Variants in LMX1B observed in about 807,000 individuals in gnomAD.
LMX1B encodes LIM homeobox transcription factor 1 beta, also known as LIM homeobox transcription factor 1-beta.
A neutral mutation model predicts 51.4 loss-of-function variants in LMX1B; 12 were observed. The observed-to-expected ratio is 0.23, with a 90% CI of 0.15 to 0.38. LMX1B has a LOEUF of 0.38. Among genes scored for constraint, LMX1B ranks in the 10% least tolerant of loss-of-function variants. The pLI is 1.00. For synonymous variants in LMX1B, 237 were observed against 235.4 expected, an observed-to-expected ratio of 1.01 and a Z score of -0.06; for missense variants, 445 against 571.1, an observed-to-expected ratio of 0.78 and a Z score of 2.25.
rs1390203407 is a variant in LMX1B at position 126,615,333 on chromosome 9, G to GGCTGGGCCGGGCGGC, written c.140-45_140-31dup. 4.2e-6 allele frequency: 6 copies of GGCTGGGCCGGGCGGC among 1,434,934 alleles called. No homozygotes were observed. In the African/African-American group the frequency reaches 8.8e-5, roughly 21 times the overall value. The allele number at this position is 1,434,934 out of a possible 1,614,324, so 88.9% of individuals were successfully genotyped here. On this transcript the variant is annotated intron_variant, in intron 1 of 7. Coordinates refer to ENST00000373474, the MANE Select transcript of LMX1B (RefSeq NM_001174147.2). The surrounding 1 kb of genome is among the most constrained non-coding windows in gnomAD (Gnocchi z 6.0). The stretch of plus-strand genomic sequence containing the variant: ...GGGCCCGGTGCGACCGGGACGCCGG[G>GGCTGGGCCGGGCGGC]GCTGGGCCGGGCGGCGCTGACGGCC...
At chr9:126,639,466 G>A (rs923152591) in intron 2 of LMX1B, among the ~76,000 whole-genome samples, 2 of 152,238 alleles carry the variant, frequency 1.3e-5, no homozygotes, top group Non-Finnish European at 1.5e-5. Flanking sequence ...CACTGGGCTC[G>A]GGCTGGAGGC....
chr9:126,634,301 G>A (rs780600192), intron 2 of LMX1B, among the ~76,000 whole-genome samples: 1 of 152,182 alleles, frequency 6.6e-6, no homozygotes, highest in Admixed American at 6.5e-5. Context: ...CAGCAGTGAC[G>A]GGGTCGCCAT....
chr9:126,670,774 C>T (rs950007679), intron 2 of LMX1B, among the ~76,000 whole-genome samples: 19 of 152,218 alleles, frequency 1.2e-4, no homozygotes, highest in African/African-American at 4.3e-4. Context: ...AAACCACAGA[C>T]AGCAGGTCCT....
chr9:126,655,812 G>A (rs1836105352), intron 2 of LMX1B, among the ~76,000 whole-genome samples: 1 of 152,238 alleles, frequency 6.6e-6, no homozygotes, highest in African/African-American at 2.4e-5. Context: ...TCACAAAGTT[G>A]GGTGCTGCTG....
intron 2 of LMX1B, among the ~76,000 whole-genome samples, chr9:126,676,408 G>A (rs534746585): frequency 3.2e-4 from 49 of 152,254 alleles, no homozygotes; most frequent in Admixed American, 9.8e-4. Context: ...ACCCAGCACC[G>A]CACCTGGCAC....
At chr9:126,663,201 C>T (rs777212920) in intron 2 of LMX1B, among the ~76,000 whole-genome samples, 5 of 102,182 alleles carry the variant, frequency 4.9e-5, no homozygotes, top group Non-Finnish European at 1.1e-4. Context: ...TTGAGGCGGG[C>T]GGATCACTTG....
chr9:126,687,699 T>C (rs2029957359), intron 2 of LMX1B, among the ~76,000 whole-genome samples: 1 of 152,140 alleles, frequency 6.6e-6, no homozygotes, highest in Non-Finnish European at 1.5e-5. Context: ...GTCCAGCCCA[T>C]TGTATAGATA....
chr9:126,686,750 C>T (rs777727414), intron 2 of LMX1B, among the ~76,000 whole-genome samples: 4 of 152,130 alleles, frequency 2.6e-5, no homozygotes, highest in Non-Finnish European at 2.9e-5. Flanking sequence ...GTGATGCTGC[C>T]GTGTGACCTT....
rs1286574675 is a variant in LMX1B at position 126,696,487 on chromosome 9, C to G, written c.*36C>G. ...GGCGCACGGACGCTTGGGCAGGGGC[C>G]TGGGGGGGACTGCCAGCCTCTGCGG... is the stretch of plus-strand genomic sequence containing the variant. On this transcript the variant is annotated 3_prime_UTR_variant, in exon 8 of 8. Transcript: ENST00000373474. The G allele has an allele frequency of 6.2e-7, 1 of 1,612,110 alleles. No individual in the cohort carries two copies. Among genetic ancestry groups the G allele is most frequent in the African/African-American group, 1.3e-5 (1 of 75,042 alleles).
At chr9:126,655,814 G>C (rs974220954) in intron 2 of LMX1B, among the ~76,000 whole-genome samples, 3 of 152,206 alleles carry the variant, frequency 2.0e-5, no homozygotes, top group Non-Finnish European at 4.4e-5. Flanking sequence ...ACAAAGTTGG[G>C]TGCTGCTGTT....
rs1255296693 is a variant in LMX1B at position 126,626,216 on chromosome 9, G to A, written c.326+10647G>A. 6.6e-6 allele frequency among the ~76,000 whole-genome samples: 1 copy of A among 152,234 alleles called. No homozygotes were observed. Among genetic ancestry groups the A allele is most frequent in the Non-Finnish European group, 1.5e-5 (1 of 68,032 alleles). The stretch of plus-strand genomic sequence containing the variant: ...GTGCGCCCTGGCAGAGGTCGGGGAC[G>A]CCAGAGTGCACGCAGTCTCCTGCGC... On this transcript the variant is annotated intron_variant, in intron 2 of 7. Coordinates refer to ENST00000373474, the MANE Select transcript of LMX1B (RefSeq NM_001174147.2). This position sits in a 1 kb window ranked among gnomAD's most constrained non-coding sequence, Gnocchi z 4.3.
At chr9:126,654,825 A>G (rs1836081808) in intron 2 of LMX1B, among the ~76,000 whole-genome samples, 1 of 152,154 alleles carries the variant, frequency 6.6e-6, no homozygotes. Flanking sequence ...CACCCCCTGC[A>G]TCAGGCTAAT....
intron 2 of LMX1B, among the ~76,000 whole-genome samples, chr9:126,666,174 G>C (rs775389920): frequency 1.3e-5 from 2 of 152,358 alleles, no homozygotes; most frequent in Non-Finnish European, 2.9e-5. Context: ...ACGCAGCTCT[G>C]GTGCTCTGCT....
rs1451432191 is a variant in LMX1B at position 126,700,227 on chromosome 9, G to C, written c.*3776G>C. 6.6e-6 allele frequency: 1 copy of C among 152,264 alleles called. No individual in the cohort carries two copies. The highest frequency in any genetic ancestry group is 1.5e-5 in the Non-Finnish European group (1 of 68,134). 9.4% of individuals were successfully genotyped at this position (152,264 alleles called of 1,614,324 possible). On this transcript the variant is annotated 3_prime_UTR_variant, in exon 8 of 8. Coordinates refer to ENST00000373474, the MANE Select transcript of LMX1B (RefSeq NM_001174147.2). ...CAGACCAAGGTGCCAGCACAGCCTGGAAAGAGCTCAGAAAGGGGGTTGGTG... is the reference window on the plus strand; with the variant it reads ...CAGACCAAGGTGCCAGCACAGCCTGCAAAGAGCTCAGAAAGGGGGTTGGTG...
intron 2 of LMX1B, among the ~76,000 whole-genome samples, chr9:126,628,832 G>A (rs138368411): frequency 6.6e-6 from 1 of 152,092 alleles, no homozygotes; most frequent in African/African-American, 2.4e-5. Context: ...AGCTAGTCCC[G>A]CACAGAGCAC....
intron 2 of LMX1B, among the ~76,000 whole-genome samples, chr9:126,624,843 G>A (rs1230084578): frequency 1.3e-5 from 2 of 152,092 alleles, no homozygotes; most frequent in African/African-American, 2.4e-5. Flanking sequence ...GCCAATTATA[G>A]GCGAGCCATA....
At chr9:126,632,593 C>T (rs571060654) in intron 2 of LMX1B, among the ~76,000 whole-genome samples, 142 of 152,232 alleles carry the variant, frequency 9.3e-4, no homozygotes, top group Middle Eastern at 3.4e-3. Flanking sequence ...GCAACATGTG[C>T]CTGGGATTAG....
intron 2 of LMX1B, among the ~76,000 whole-genome samples, chr9:126,630,161 C>CAAAA (rs386416246): frequency 1.6e-4 from 13 of 83,710 alleles, no homozygotes; most frequent in African/African-American, 2.4e-4. Context: ...GACTCCGTCT[C>CAAAA]AAAAAAAAAA....
At chr9:126,649,963 T>C (rs1439869566) in intron 2 of LMX1B, among the ~76,000 whole-genome samples, 1 of 152,216 alleles carries the variant, frequency 6.6e-6, no homozygotes, top group African/African-American at 2.4e-5. Flanking sequence ...AATTTTGTAC[T>C]GTTCTCAAAC....
Sources: gnomAD v4.1 joint callset for allele counts (sites outside exome capture counted in the v4.1 genomes callset) on GRCh38, gnomAD v4.1.1 for gene constraint, Gnocchi (gnomAD v3.1) non-coding constraint, MANE v1.5 for transcripts, NCBI Gene and HGNC (gene_info 2026-07-23, HGNC 2026-07-21) for gene names.